The following KCNN2 variants were observed in gnomAD, a reference collection of about 807,000 sequenced individuals.
KCNN2 encodes potassium calcium-activated channel subfamily N member 2, also known as small conductance calcium-activated potassium channel protein 2.
KCNN2 carries 24 observed loss-of-function variants against 55.5 expected under a neutral mutation model. That is an observed-to-expected ratio of 0.43 (90% confidence interval 0.31 to 0.61). KCNN2 has a LOEUF of 0.61. Among genes scored for constraint, KCNN2 ranks in the 20% least tolerant of loss-of-function variants. The pLI is 0.08. For synonymous variants in KCNN2, 431 were observed against 336.1 expected (o/e 1.28, Z -3.09); for missense variants, 754 against 853.6 (o/e 0.88, Z 1.45).
chr5:114,397,784 T>A (rs1758665464), intron 2 of KCNN2, among the ~76,000 whole-genome samples: 1 of 152,232 alleles, frequency 6.6e-6, no homozygotes, highest in Non-Finnish European at 1.5e-5. Context: ...TGATGATTAG[T>A]GATGATGAAC....
At chr5:114,070,909 C>T (rs1750554927) in intron 1 of KCNN2, among the ~76,000 whole-genome samples, 1 of 152,072 alleles carries the variant, frequency 6.6e-6, no homozygotes, top group South Asian at 2.1e-4. Context: ...TTTTAAGATT[C>T]CAGTCATTCA....
At chr5:114,459,899 C>CAAAT (rs1489628626) in intron 3 of KCNN2, among the ~76,000 whole-genome samples, 2 of 152,054 alleles carry the variant, frequency 1.3e-5, no homozygotes, top group African/African-American at 4.8e-5. Context: ...GAGTATTTGG[C>CAAAT]AAATAAGGAT....
intron 1 of KCNN2, among the ~76,000 whole-genome samples, chr5:114,209,588 A>G (rs755429646): frequency 2.8e-4 from 42 of 152,148 alleles, no homozygotes; most frequent in Middle Eastern, 3.2e-3. Flanking sequence ...AAAAAATTAT[A>G]GGATCAATGG....
intron 1 of KCNN2, among the ~76,000 whole-genome samples, chr5:114,150,765 G>A (rs1580561264): frequency 6.6e-6 from 1 of 152,142 alleles, no homozygotes; most frequent in African/African-American, 2.4e-5. Context: ...CTTACACCTG[G>A]AATCCCAGAA....
At chr5:114,441,676 G>T (rs1270183301) in intron 3 of KCNN2, among the ~76,000 whole-genome samples, 1 of 152,002 alleles carries the variant, frequency 6.6e-6, no homozygotes, top group Non-Finnish European at 1.5e-5. Flanking sequence ...GGACATGTTT[G>T]TGTGATCATG....
chr5:114,278,804 C>T (rs1755548006), intron 2 of KCNN2, among the ~76,000 whole-genome samples: 1 of 152,306 alleles, frequency 6.6e-6, no homozygotes. Context: ...AAAGGGAAAT[C>T]CTCTGATCCC....
chr5:114,292,169 TTGCTG>T (rs1755904551), intron 2 of KCNN2, among the ~76,000 whole-genome samples: 1 of 152,068 alleles, frequency 6.6e-6, no homozygotes, highest in African/African-American at 2.4e-5. Flanking sequence ...GCAGTTTCTT[TTGCTG>T]TGCAGAAGCT....
chr5:114,225,079 G>A (rs535741422), intron 2 of KCNN2, among the ~76,000 whole-genome samples: 2 of 152,128 alleles, frequency 1.3e-5, no homozygotes, highest in Admixed American at 6.6e-5. Context: ...ACCTGAAAAG[G>A]TTATTTGACT....
intron 2 of KCNN2, among the ~76,000 whole-genome samples, chr5:114,236,373 T>G (rs1258169171): frequency 6.6e-6 from 1 of 151,940 alleles, no homozygotes; most frequent in African/African-American, 2.4e-5. Flanking sequence ...AAAGATTATG[T>G]TTTTTTCTTT....
chr5:114,061,318 G>C (rs1561458657), intron 1 of KCNN2, among the ~76,000 whole-genome samples: 1 of 152,282 alleles, frequency 6.6e-6, no homozygotes, highest in African/African-American at 2.4e-5. Flanking sequence ...GAAGAATGGT[G>C]TGAATATAGT....
intron 1 of KCNN2, among the ~76,000 whole-genome samples, chr5:114,066,786 G>T (rs1231411628): frequency 1.3e-5 from 2 of 152,044 alleles, no homozygotes; most frequent in African/African-American, 4.8e-5. Context: ...TCATCATGTT[G>T]GCCAGGATGG....
At chr5:114,295,732 C>G (rs1320704377) in intron 2 of KCNN2, among the ~76,000 whole-genome samples, 1 of 152,138 alleles carries the variant, frequency 6.6e-6, no homozygotes, top group Admixed American at 6.5e-5. Flanking sequence ...GTCTGGCACT[C>G]CCTAGTGAGA....
At chr5:114,275,237 C>T (rs1030130965) in intron 2 of KCNN2, among the ~76,000 whole-genome samples, 3 of 151,886 alleles carry the variant, frequency 2.0e-5, no homozygotes, top group Admixed American at 2.0e-4. Flanking sequence ...CCAGTTTGCC[C>T]GTATTTTATT....
intron 3 of KCNN2, among the ~76,000 whole-genome samples, chr5:114,425,785 T>C (rs1413160460): frequency 6.6e-6 from 1 of 152,152 alleles, no homozygotes; most frequent in African/African-American, 2.4e-5. Context: ...GAAAATAGAT[T>C]GTCAAGCATT....
chr5:114,382,429 G>A (rs1246287496), intron 2 of KCNN2, among the ~76,000 whole-genome samples: 3 of 152,160 alleles, frequency 2.0e-5, no homozygotes, highest in Non-Finnish European at 4.4e-5. Context: ...TGTTCGATGT[G>A]TATATATCTT....
chr5:114,344,370 T>C (rs1244239795), intron 2 of KCNN2, among the ~76,000 whole-genome samples: 2 of 151,802 alleles, frequency 1.3e-5, no homozygotes, highest in Non-Finnish European at 2.9e-5. Flanking sequence ...AAAGGAAGAG[T>C]GTAGGGTAAG....
At chr5:114,464,739 T>G (rs916377263) in intron 4 of KCNN2, among the ~76,000 whole-genome samples, 1 of 152,128 alleles carries the variant, frequency 6.6e-6, no homozygotes, top group African/African-American at 2.4e-5. Context: ...GTAGAAAATA[T>G]AGTTTGGGGG....
At chr5:114,269,898 G>T (rs1419850526) in intron 2 of KCNN2, among the ~76,000 whole-genome samples, 1 of 152,174 alleles carries the variant, frequency 6.6e-6, no homozygotes, top group Non-Finnish European at 1.5e-5. Context: ...GGAAAAGAAT[G>T]AAATGGAGGG....
intron 1 of KCNN2, among the ~76,000 whole-genome samples, chr5:114,150,859 T>C (rs536363460): frequency 6.6e-6 from 1 of 152,196 alleles, no homozygotes; most frequent in African/African-American, 2.4e-5. Flanking sequence ...TCATCTCTAC[T>C]AAAAATGCAA....
Sources: gnomAD v4.1 joint callset for allele counts (sites outside exome capture counted in the v4.1 genomes callset) on GRCh38, gnomAD v4.1.1 for gene constraint, MANE v1.5 for transcripts, NCBI Gene and HGNC (gene_info 2026-07-23, HGNC 2026-07-21) for gene names.